The following IGLL5 variants were observed in gnomAD, a reference collection of about 807,000 sequenced individuals.
IGLL5 encodes immunoglobulin lambda-like polypeptide 5.
In IGLL5, 30 loss-of-function variants were observed where a neutral mutation model predicts 20.9. That is an observed-to-expected ratio of 1.44 (90% confidence interval 1.07 to 1.95). The LOEUF is 1.95. Ranked by LOEUF, IGLL5 falls within the 30% of genes most tolerant of loss-of-function variation. The pLI, the probability that IGLL5 is intolerant of heterozygous loss-of-function variation, is 0.00. For synonymous variants in IGLL5, 203 were observed against 117.3 expected (o/e 1.73, Z -4.72); for missense variants, 475 against 270.7 (o/e 1.75, Z -5.30).
intron 2 of IGLL5, among the ~76,000 whole-genome samples, chr22:22,894,538 C>T (rs564462713): frequency 1.3e-5 from 2 of 151,544 alleles, no homozygotes; most frequent in Middle Eastern, 3.8e-3. Context: ...CCCAGTGTCT[C>T]TCTGTTCACG....
intron 1 of IGLL5, among the ~76,000 whole-genome samples, chr22:22,893,221 C>T (rs1260025719): frequency 6.6e-6 from 1 of 151,068 alleles, no homozygotes; most frequent in Admixed American, 6.6e-5. Context: ...GATGGGTAGA[C>T]AGAATGATCT....
chr22:22,890,116 A>C (rs528975666), intron 1 of IGLL5, among the ~76,000 whole-genome samples: 1 of 150,500 alleles, frequency 6.6e-6, no homozygotes, highest in African/African-American at 2.4e-5. Context: ...TTTTGTAATG[A>C]GTATATTACA....
intron 1 of IGLL5, among the ~76,000 whole-genome samples, chr22:22,892,004 C>T (rs1204728318): frequency 1.3e-5 from 2 of 151,102 alleles, no homozygotes; most frequent in African/African-American, 2.4e-5. Context: ...CTTCTCTCCC[C>T]CTTTTATGTC....
At chr22:22,893,979 AAC>A in intron 2 of IGLL5, among the ~76,000 whole-genome samples, 161 bp downstream of exon 2, 1 of 151,346 alleles carries the variant, frequency 6.6e-6, no homozygotes, top group Admixed American at 6.6e-5. Flanking sequence ...GTCTCCGGGT[AAC>A]CGGCAGGAAG....
chr22:22,894,010 A>G (rs759162780), intron 2 of IGLL5, among the ~76,000 whole-genome samples, 192 bp downstream of exon 2: 7 of 151,476 alleles, frequency 4.6e-5, no homozygotes, highest in East Asian at 2.0e-4. Context: ...CAGTGGGAGC[A>G]GCCGGATGCA....
intron 2 of IGLL5, among the ~76,000 whole-genome samples, chr22:22,894,805 C>G (rs530728034): frequency 6.6e-6 from 1 of 151,358 alleles, no homozygotes; most frequent in African/African-American, 2.4e-5. Context: ...TGAGGCTTGT[C>G]TAGGTGGAGC....
rs2067687784 is a variant in IGLL5, at chr22:22,889,116, T to G, written c.206+857T>G. On this transcript the variant is annotated intron_variant, in intron 1 of 2. Transcript: ENST00000526893. The stretch of plus-strand genomic sequence containing the variant: ...AGTCAGATTTGTGTTTTTGGAAAAA[T>G]CAGCACCGGATTGGAGGCTGATGCG... Among the ~76,000 whole-genome samples the G allele has an allele frequency of 3.3e-5, 5 of 150,836 alleles. 1 individual carries two copies. Among genetic ancestry groups the G allele is most frequent in the Middle Eastern group, 7.5e-3 (2 of 266 alleles).
intron 1 of IGLL5, among the ~76,000 whole-genome samples, chr22:22,888,774 A>G (rs558190104): frequency 2.0e-5 from 3 of 151,412 alleles, no homozygotes; most frequent in South Asian, 2.1e-4. Flanking sequence ...GGCCAGGCTC[A>G]AGGACACAGG....
At chr22:22,894,239 A>T (rs547889537) in intron 2 of IGLL5, among the ~76,000 whole-genome samples, 3 of 151,148 alleles carry the variant, frequency 2.0e-5, no homozygotes, top group South Asian at 2.1e-4. Context: ...CCCCAAGAAC[A>T]GCTGAGGGTC....
At chr22:22,888,464 A>C (rs151079072) in intron 1 of IGLL5, among the ~76,000 whole-genome samples, 23 of 151,114 alleles carry the variant, frequency 1.5e-4, no homozygotes, top group East Asian at 1.0e-3. Flanking sequence ...TTACGATATT[A>C]TTTTTCTTGA....
At chr22:22,890,066 AT>A (rs2067772415) in intron 1 of IGLL5, among the ~76,000 whole-genome samples, 1 of 150,574 alleles carries the variant, frequency 6.6e-6, no homozygotes, top group African/African-American at 2.4e-5. Context: ...TTCTAATATA[AT>A]TTTTAATACA....
chr22:22,888,436 A>G (rs143682027), intron 1 of IGLL5, among the ~76,000 whole-genome samples, 177 bp downstream of exon 1: 9 of 151,368 alleles, frequency 5.9e-5, no homozygotes, highest in South Asian at 4.2e-4. Context: ...TGTTTGAATT[A>G]CTGTTTTTAA....
intron 1 of IGLL5, among the ~76,000 whole-genome samples, chr22:22,890,280 G>T (rs1192054536): frequency 6.8e-6 from 1 of 148,074 alleles, no homozygotes; most frequent in African/African-American, 2.5e-5. Flanking sequence ...TATACTTCCA[G>T]AACTTTTCCT....
rs973140670 is a variant in IGLL5 at position 22,894,041 on chromosome 22, C to G, written c.325+223C>G. Among the ~76,000 whole-genome samples, 52 of 150,360 alleles carry G rather than the reference C, an allele frequency of 3.5e-4. 1 individual carries two copies. The highest frequency in any genetic ancestry group is 3.8e-3 in the Middle Eastern group (1 of 264). Reference sequence around the variant, plus strand: ...ATGCAGCCTGGTCCCGGGGCCTGAGCTGGGATTGGGCAGGGTCAGGGCTCC... The same window carrying G: ...ATGCAGCCTGGTCCCGGGGCCTGAGGTGGGATTGGGCAGGGTCAGGGCTCC... On this transcript the variant is annotated intron_variant, in intron 2 of 2. Coordinates refer to ENST00000526893, the MANE Select transcript of IGLL5 (RefSeq NM_001178126.2).
At chr22:22,891,187 T>G (rs528476352) in intron 1 of IGLL5, among the ~76,000 whole-genome samples, 1 of 151,190 alleles carries the variant, frequency 6.6e-6, no homozygotes, top group Admixed American at 6.6e-5. Context: ...TATAAACTCA[T>G]TTTTCTGTTT....
Position 22,888,248 on chromosome 22 carries a change from C to A in IGLL5, c.195C>A (p.Ser65Arg), listed in dbSNP as rs151173231. ...SVGSSRSSLRSLWGRLLLQPS... is the reference protein window; with the variant it reads ...SVGSSRSSLRRLWGRLLLQPS... ...GAAGCAGCCGATCCAGCCTGCGGAG[C>A]CTGTGGGGCAGGTAAGGGGCAAGAG... Residue 65 changes from serine to arginine, a missense_variant, in exon 1 of 3, where the codon AGC (serine) becomes AGA (arginine). Ser to Arg is a moderately radical substitution (Grantham distance 110). Transcript: ENST00000526893. 4.5e-6 allele frequency: 7 copies of A among 1,547,560 alleles called. No individual in the cohort carries two copies. The highest frequency in any genetic ancestry group is 2.7e-5 in the African/African-American group (2 of 72,792).
intron 1 of IGLL5, among the ~76,000 whole-genome samples, chr22:22,888,476 T>G (rs552094537): frequency 2.0e-5 from 3 of 151,410 alleles, no homozygotes; most frequent in South Asian, 2.1e-4. Flanking sequence ...TTTTCTTGAT[T>G]TCTGAGTTTT....
chr22:22,894,203 C>A (rs773772334), intron 2 of IGLL5, among the ~76,000 whole-genome samples: 6 of 151,170 alleles, frequency 4.0e-5, no homozygotes, highest in East Asian at 2.0e-4. Context: ...CTGGGAGCTG[C>A]TGAGTCTCAT....
intron 1 of IGLL5, among the ~76,000 whole-genome samples, chr22:22,890,264 G>C (rs912786515): frequency 6.7e-6 from 1 of 148,314 alleles, no homozygotes; most frequent in African/African-American, 2.5e-5. Flanking sequence ...CTGTCAGGTT[G>C]GTCAATATAC....
Sources: gnomAD v4.1 joint callset for allele counts (sites outside exome capture counted in the v4.1 genomes callset) on GRCh38, gnomAD v4.1.1 for gene constraint, MANE v1.5 for transcripts, NCBI Gene and HGNC (gene_info 2026-07-23, HGNC 2026-07-21) for gene names.